The following SPTAN1 variants were observed in gnomAD, a reference collection of about 807,000 sequenced individuals.
SPTAN1 encodes spectrin alpha, non-erythrocytic 1.
A neutral mutation model predicts 331.3 loss-of-function variants in SPTAN1; 61 were observed. The ratio of observed to expected loss-of-function variants is 0.18; its 90% CI spans 0.15 to 0.23. The LOEUF (loss-of-function observed/expected upper bound fraction) is 0.23, where lower values mean the gene tolerates loss of function less well. Ranked by LOEUF, SPTAN1 falls within the 10% of genes least tolerant of loss-of-function variation. The pLI is 1.00. For missense variants in SPTAN1, 2,043 were observed against 3,147.9 expected (o/e 0.65, Z 8.40); for synonymous variants, 1,153 against 1,173.9 (o/e 0.98, Z 0.36).
At chr9:128,603,619 C>T (rs772060922) in intron 28 of SPTAN1, 29 bp downstream of exon 28, 1 of 1,613,768 alleles carries the variant, frequency 6.2e-7, no homozygotes, top group African/African-American at 1.3e-5. Flanking sequence ...CTCCTCTGAT[C>T]TCCCCTGGTT....
chr9:128,563,008 ATATATATATATATATATATG>A, intron 1 of SPTAN1, among the ~76,000 whole-genome samples: 1 of 134,432 alleles, frequency 7.4e-6, no homozygotes, highest in African/African-American at 3.2e-5. Context: ...ATATATATAT[ATATATATATATATATATATG>A]TATATATTTT....
chr9:128,591,560 C>T lies in SPTAN1; in HGVS notation c.3090C>T (p.Ala1030=), dbSNP rs1314188538. Residue 1030 remains alanine, a synonymous_variant, in exon 22 of 57, where the codon GCC becomes GCT. Coordinates refer to ENST00000372739, the MANE Select transcript of SPTAN1 (RefSeq NM_001130438.3). ...AGAAATTGGACCCCGCCCAGTCAGC[C>T]TCCCGGGAGAATCTCCTGGAGGAGC... ...YVKKLDPAQS[A]SRENLLEEQG... is the part of the protein sequence containing the mutation. 8 of 1,614,196 alleles carry T rather than the reference C, an allele frequency of 5.0e-6. 1 individual carries two copies. In the South Asian group the frequency reaches 8.8e-5, roughly 18 times the overall value.
chr9:128,583,677 G>A (rs924270757), intron 15 of SPTAN1, 111 bp from the exon 16 acceptor site: 4 of 1,145,166 alleles, frequency 3.5e-6, no homozygotes, highest in African/African-American at 3.1e-5. Flanking sequence ...ATAAGTGAAG[G>A]AATAAAATTC....
At chr9:128,607,069 C>G (rs1394961170) in intron 31 of SPTAN1, among the ~76,000 whole-genome samples, 1 of 152,212 alleles carries the variant, frequency 6.6e-6, no homozygotes, top group Non-Finnish European at 1.5e-5. Flanking sequence ...CTTACACACT[C>G]AGTTTTGTGC....
chr9:128,632,768 C>A, intron 55 of SPTAN1, 40 bp from the exon 56 acceptor site: 1 of 1,614,046 alleles, frequency 6.2e-7, no homozygotes. Context: ...GGGCACCCAC[C>A]TGCCCTCCCT....
Position 128,591,549 on chromosome 9 carries a change from G to A in SPTAN1, c.3079G>A (p.Ala1027Thr), listed in dbSNP as rs779759134. 25 of 1,614,094 alleles carry A rather than the reference G, an allele frequency of 1.5e-5. No individual in the cohort carries two copies. The highest frequency in any genetic ancestry group is 1.9e-5 in the Non-Finnish European group (23 of 1,180,006). Reference protein sequence around the residue: ...PAAYVKKLDPAQSASRENLLE... With the variant: ...PAAYVKKLDPTQSASRENLLE... ...TGCGTACGTGAAGAAATTGGACCCC[G>A]CCCAGTCAGCCTCCCGGGAGAATCT... is the stretch of plus-strand genomic sequence containing the variant. Residue 1027 changes from alanine (A) to threonine (T), a missense_variant, in exon 22 of 57, where the codon GCC becomes ACC. Physicochemically the swap from Ala to Thr is moderately conservative, Grantham distance 58 (BLOSUM62 0). This residue lies in a region of SPTAN1 where 1,038 missense variants were observed against 1,531.5 expected (regional missense o/e 0.68). Transcript: ENST00000372739.
Position 128,578,181 on chromosome 9 carries a change from C to T in SPTAN1, c.1157C>T (p.Ala386Val). The T allele has an allele frequency of 1.2e-6, 2 of 1,614,062 alleles. No homozygotes were observed. Among genetic ancestry groups the T allele is most frequent in the Non-Finnish European group, 1.7e-6 (2 of 1,179,938 alleles). Residue 386 changes from alanine to valine, a missense_variant, in exon 9 of 57, where the codon GCA becomes GTA. This residue lies in a region of SPTAN1 where 1,038 missense variants were observed against 1,531.5 expected (regional missense o/e 0.68). Coordinates refer to ENST00000372739, the MANE Select transcript of SPTAN1 (RefSeq NM_001130438.3). Reference protein sequence around the residue: ...WVTEMKALINADELASDVAGA... With the variant: ...WVTEMKALINVDELASDVAGA... ...ACTGAGATGAAAGCCCTCATCAATGCAGATGAGCTTGCCAGTGATGTGGCT... is the reference window on the plus strand; with the variant it reads ...ACTGAGATGAAAGCCCTCATCAATGTAGATGAGCTTGCCAGTGATGTGGCT...
At chr9:128,617,336 T>C (rs1857297311) in intron 41 of SPTAN1, among the ~76,000 whole-genome samples, 1 of 152,122 alleles carries the variant, frequency 6.6e-6, no homozygotes, top group South Asian at 2.1e-4. Context: ...TATACATGAT[T>C]GATATATATT....
chr9:128,563,985 A>T (rs1199552012), intron 1 of SPTAN1, among the ~76,000 whole-genome samples: 1 of 152,090 alleles, frequency 6.6e-6, no homozygotes, highest in Non-Finnish European at 1.5e-5. Flanking sequence ...GAAATCAGGG[A>T]TACAGGACCG....
At chr9:128,562,514 G>C (rs1373949374) in intron 1 of SPTAN1, among the ~76,000 whole-genome samples, 21 of 152,188 alleles carry the variant, frequency 1.4e-4, no homozygotes, top group Admixed American at 1.4e-3. Flanking sequence ...TGTAATTGGT[G>C]TTGGTGAGGG....
chr9:128,627,327 G>C lies in SPTAN1; in HGVS notation c.6577-59G>C, dbSNP rs950148884. On this transcript the variant is annotated intron_variant, in intron 49 of 56. Transcript: ENST00000372739. The surrounding 1 kb of genome is among the most constrained non-coding windows in gnomAD (Gnocchi z 4.9). ...CCACCACCCTGAGCCCATCTGTGAA[G>C]GAGGGGCTGGTGTCACTGCCACAGC... is the stretch of plus-strand genomic sequence containing the variant. 1.4e-6 allele frequency: 2 copies of C among 1,451,588 alleles called. No individual in the cohort carries two copies. The highest frequency in any genetic ancestry group is 2.4e-5 in the South Asian group (2 of 81,642). The allele number at this position is 1,451,588 out of a possible 1,614,324, so 89.9% of individuals were successfully genotyped here. A position where few individuals can be genotyped will look rare whatever the true frequency, so the allele number is the denominator to read the frequency against.
At chr9:128,623,514 G>A (rs1158020480) in intron 45 of SPTAN1, among the ~76,000 whole-genome samples, 1 of 151,778 alleles carries the variant, frequency 6.6e-6, no homozygotes, top group Admixed American at 6.6e-5. Context: ...GGGGTGCAGT[G>A]GCATGATCTC....
At chr9:128,571,453 T>A (rs1028096304) in intron 3 of SPTAN1, among the ~76,000 whole-genome samples, 4 of 152,044 alleles carry the variant, frequency 2.6e-5, no homozygotes, top group African/African-American at 9.7e-5. Flanking sequence ...AGCGTGGTGT[T>A]GCGTGCCTGT....
intron 3 of SPTAN1, among the ~76,000 whole-genome samples, chr9:128,570,330 A>ATATATATTTTTTTTTTT (rs1850540639): frequency 2.8e-5 from 2 of 71,874 alleles, no homozygotes; most frequent in East Asian, 5.0e-4. Flanking sequence ...ATATATATAT[A>ATATATATTTTTTTTTTT]TTTTTTTTTT....
chr9:128,599,497 GGTCT>G, intron 26 of SPTAN1: 1 of 159,054 alleles, frequency 6.3e-6, no homozygotes, highest in South Asian at 1.4e-4. Context: ...TTTTTTTTTC[GGTCT>G]TTTGTTTGTT....
At chr9:128,601,023 G>T (rs1438419324) in intron 27 of SPTAN1, among the ~76,000 whole-genome samples, 1 of 89,552 alleles carries the variant, frequency 1.1e-5, no homozygotes, top group Non-Finnish European at 2.1e-5. Context: ...TCGCTCTGTT[G>T]CCCAGGCTGG....
intron 1 of SPTAN1, chr9:128,553,458 C>A (rs968681358): frequency 6.6e-6 from 1 of 152,140 alleles, no homozygotes; most frequent in Admixed American, 6.5e-5. Flanking sequence ...CTGGGTCTTT[C>A]GAGTCGAGAT....
At chr9:128,557,591 C>T (rs970387380) in intron 1 of SPTAN1, among the ~76,000 whole-genome samples, 4 of 151,308 alleles carry the variant, frequency 2.6e-5, no homozygotes, top group Non-Finnish European at 2.9e-5. Flanking sequence ...CCAAATACCC[C>T]CAAATTTTTA....
chr9:128,587,782 C>T (rs745673891), intron 20 of SPTAN1, 84 bp downstream of exon 20: 46 of 1,024,616 alleles, frequency 4.5e-5, no homozygotes, highest in South Asian at 9.1e-5. Flanking sequence ...ATCATAGGCC[C>T]CATTTGACTC....
Sources: gnomAD v4.1 joint callset for allele counts (sites outside exome capture counted in the v4.1 genomes callset) on GRCh38, gnomAD v4.1.1 for gene constraint, gnomAD v4.1.1 regional missense constraint, Gnocchi (gnomAD v3.1) non-coding constraint, MANE v1.5 for transcripts, NCBI Gene and HGNC (gene_info 2026-07-23, HGNC 2026-07-21) for gene names.